Variants in COG3 observed in about 807,000 individuals in gnomAD.
COG3 encodes conserved oligomeric Golgi complex subunit 3.
A neutral mutation model predicts 114.1 loss-of-function variants in COG3; 32 were observed. The observed-to-expected ratio is 0.28, with a 90% CI of 0.21 to 0.38. The LOEUF is 0.38. Among genes scored for constraint, COG3 ranks in the 10% least tolerant of loss-of-function variants. COG3 has a pLI of 1.00. For synonymous variants in COG3, 352 were observed against 365.7 expected, an observed-to-expected ratio of 0.96 and a Z score of 0.43; for missense variants, 813 against 973.2, an observed-to-expected ratio of 0.84 and a Z score of 2.19.
At chr13:45,489,765 T>G (rs1886908444) in intron 8 of COG3, among the ~76,000 whole-genome samples, 1 of 151,938 alleles carries the variant, frequency 6.6e-6, no homozygotes, top group Non-Finnish European at 1.5e-5. Context: ...AAATGTCACT[T>G]TCTCCCAGAG....
intron 22 of COG3, chr13:45,532,015 C>G (rs1290434236): frequency 6.6e-6 from 1 of 152,116 alleles, no homozygotes; most frequent in Non-Finnish European, 1.5e-5. Flanking sequence ...CCCAGAAAAA[C>G]CCCTTAGCCA....
chr13:45,499,500 T>A, intron 13 of COG3, among the ~76,000 whole-genome samples: 1 of 152,120 alleles, frequency 6.6e-6, no homozygotes, highest in South Asian at 2.1e-4. Context: ...AATGTAAGAG[T>A]GAGATAGACC....
In COG3 at chr13:45,488,334, C is replaced by T. The variant is rs558972351; in HGVS notation, c.924+1759C>T. 6.3e-4 allele frequency among the ~76,000 whole-genome samples: 96 copies of T among 152,038 alleles called. 2 individuals are homozygous for T. Among genetic ancestry groups the T allele is most frequent in the African/African-American group, 2.2e-3 (91 of 41,464 alleles). Reference sequence around the variant, plus strand: ...AGTGTAGTAGGATGACTGTAGTTAACAATTTATTGTATATTTCAAAATAGC... The same window carrying T: ...AGTGTAGTAGGATGACTGTAGTTAATAATTTATTGTATATTTCAAAATAGC... On this transcript the variant is annotated intron_variant, in intron 8 of 22. Transcript: ENST00000349995.
intron 22 of COG3, among the ~76,000 whole-genome samples, chr13:45,532,656 G>C (rs1453987476): frequency 7.4e-6 from 1 of 134,968 alleles, no homozygotes; most frequent in Non-Finnish European, 1.5e-5. Flanking sequence ...TGCAAGCTCC[G>C]CCTCCCGGGT....
chr13:45,513,979 G>C (rs556795784), intron 16 of COG3, among the ~76,000 whole-genome samples: 1 of 152,094 alleles, frequency 6.6e-6, no homozygotes, highest in Non-Finnish European at 1.5e-5. Flanking sequence ...ATGCATTGAA[G>C]AAAATATGTA....
At chr13:45,506,341 C>T (rs1486580782) in intron 14 of COG3, among the ~76,000 whole-genome samples, 1 of 151,876 alleles carries the variant, frequency 6.6e-6, no homozygotes. Flanking sequence ...AAAGAACAGC[C>T]AGCGTGGTCA....
chr13:45,492,338 C>A, intron 11 of COG3, 88 bp downstream of exon 11: 1 of 630,124 alleles, frequency 1.6e-6, no homozygotes, highest in Non-Finnish European at 2.7e-6. Flanking sequence ...AGTATTCTAT[C>A]ATTAACTGGA....
In COG3 at chr13:45,476,188, C is replaced by T; in HGVS notation, c.175-13C>T. On this transcript the variant is annotated splice_polypyrimidine_tract_variant and intron_variant, in intron 1 of 22. Transcript: ENST00000349995. Reference sequence around the variant, plus strand: ...AAGTCACTTAAATATCTTTGTGACTCTCTTTTTTCAAGCTTCCAATTGAAG... The same window carrying T: ...AAGTCACTTAAATATCTTTGTGACTTTCTTTTTTCAAGCTTCCAATTGAAG... 2 of 1,612,896 alleles carry T rather than the reference C, an allele frequency of 1.2e-6. No homozygotes were observed. The highest frequency in any genetic ancestry group is 1.7e-6 in the Non-Finnish European group (2 of 1,179,642).
At chr13:45,532,418 A>G (rs886936217) in intron 22 of COG3, among the ~76,000 whole-genome samples, 1 of 152,042 alleles carries the variant, frequency 6.6e-6, no homozygotes, top group Non-Finnish European at 1.5e-5. Context: ...AATGATATAA[A>G]ATACTTGCAT....
chr13:45,530,388 G>T (rs567114042), intron 21 of COG3, among the ~76,000 whole-genome samples: 1 of 152,254 alleles, frequency 6.6e-6, no homozygotes, highest in South Asian at 2.1e-4. Context: ...TATTTTATGT[G>T]TCTAGGAACT....
At chr13:45,488,200 A>C (rs1006684683) in intron 8 of COG3, among the ~76,000 whole-genome samples, 6 of 152,170 alleles carry the variant, frequency 3.9e-5, no homozygotes, top group African/African-American at 1.4e-4. Context: ...TAGAGAGTAG[A>C]ATGATAGATA....
At position 45,530,671 on chromosome 13, in the gene COG3, T is replaced by C; in HGVS notation, c.2359-11T>C. 6.6e-7 allele frequency: 1 copy of C among 1,524,966 alleles called. No homozygotes were observed. Among genetic ancestry groups the C allele is most frequent in the South Asian group, 1.1e-5 (1 of 89,278 alleles). The allele number at this position is 1,524,966 out of a possible 1,614,324, so 94.5% of individuals were successfully genotyped here. A position where few individuals can be genotyped will look rare whatever the true frequency, so the allele number is the denominator to read the frequency against. On this transcript the variant is annotated splice_polypyrimidine_tract_variant and intron_variant, in intron 21 of 22. Transcript: ENST00000349995. ...ACTCATTTGATAAGATCTCCTCTCC[T>C]CCTTTCTAAGAATAATATTCAGCAA...
chr13:45,508,046 G>A (rs906785967), intron 14 of COG3, among the ~76,000 whole-genome samples: 1 of 119,206 alleles, frequency 8.4e-6, no homozygotes, highest in Non-Finnish European at 1.6e-5. Context: ...TCCAGCCTAG[G>A]TGACAGAGCC....
At chr13:45,521,399 T>C (rs1872117433) in intron 19 of COG3, among the ~76,000 whole-genome samples, 1 of 152,060 alleles carries the variant, frequency 6.6e-6, no homozygotes. Context: ...CTCAGACCAC[T>C]TGTAGTTGCC....
chr13:45,477,654 G>A (rs1318009057), intron 2 of COG3, among the ~76,000 whole-genome samples: 2 of 148,750 alleles, frequency 1.3e-5, no homozygotes, highest in African/African-American at 5.0e-5. Flanking sequence ...TTGAGATGGA[G>A]TCTCACTCTG....
At chr13:45,515,231 A>C (rs1158339708) in intron 16 of COG3, among the ~76,000 whole-genome samples, 1 of 152,194 alleles carries the variant, frequency 6.6e-6, no homozygotes, top group Admixed American at 6.5e-5. Flanking sequence ...ATGCAGAGTG[A>C]GTTTCCATGA....
At chr13:45,525,528 T>C (rs898278726) in intron 20 of COG3, among the ~76,000 whole-genome samples, 1 of 151,480 alleles carries the variant, frequency 6.6e-6, no homozygotes, top group Middle Eastern at 3.4e-3. Flanking sequence ...GAGGCGTCAG[T>C]TGGGAGTTGG....
intron 13 of COG3, among the ~76,000 whole-genome samples, chr13:45,496,903 G>A (rs1334963162): frequency 6.6e-6 from 1 of 152,028 alleles, no homozygotes; most frequent in Non-Finnish European, 1.5e-5. Context: ...TCAATCCCCT[G>A]ACCTCGTGAT....
In COG3 at chr13:45,483,310, T is replaced by C. The variant is rs771405779; in HGVS notation, c.798T>C (p.Tyr266=). ...AAGCTTTGCACCTCATGAAGACATA[T>C]ACTGTGAACACACTACAGACCCTCA... The part of the protein sequence containing the change: ...LSKALHLMKT[Y]TVNTLQTLTS... Residue 266 remains tyrosine, a synonymous_variant, in exon 7 of 23, where the codon TAT becomes TAC. Transcript: ENST00000349995. The C allele has an allele frequency of 1.7e-5, 28 of 1,602,086 alleles. No individual in the cohort carries two copies. Among genetic ancestry groups the C allele is most frequent in the South Asian group, 3.3e-5 (3 of 90,572 alleles).
Sources: gnomAD v4.1 joint callset for allele counts (sites outside exome capture counted in the v4.1 genomes callset) on GRCh38, gnomAD v4.1.1 for gene constraint, MANE v1.5 for transcripts, NCBI Gene and HGNC (gene_info 2026-07-23, HGNC 2026-07-21) for gene names.